FNDC3B: variants seen among roughly 807,000 people sequenced by gnomAD.
The protein encoded by FNDC3B is fibronectin type III domain-containing protein 3B.
FNDC3B carries 12 observed loss-of-function variants against 151.5 expected under a neutral mutation model. The ratio of observed to expected loss-of-function variants is 0.08; its 90% CI spans 0.05 to 0.13. FNDC3B has a LOEUF of 0.13. Among genes scored for constraint, FNDC3B ranks in the 10% least tolerant of loss-of-function variants. FNDC3B has a pLI of 1.00. For missense variants in FNDC3B, 1,214 were observed against 1,505.3 expected, an observed-to-expected ratio of 0.81 and a Z score of 3.20; for synonymous variants, 528 against 549.0, an observed-to-expected ratio of 0.96 and a Z score of 0.54.
In FNDC3B at chr3:172,195,106, A is replaced by T. The variant is rs532193277; in HGVS notation, c.188-31765A>T. ...TTAAATCATGACCTTTAGTTATTTT[A>T]AAAAAAGTTTGATCTTGAGATAAAA... On this transcript the variant is annotated intron_variant, in intron 3 of 25. Transcript: ENST00000415807. Among the ~76,000 whole-genome samples the T allele has an allele frequency of 1.3e-3, 194 of 152,306 alleles. 2 individuals carry two copies. The highest frequency in any genetic ancestry group is 4.0e-3 in the African/African-American group (168 of 41,556).
chr3:172,129,250 G>T (rs998119913), intron 2 of FNDC3B, among the ~76,000 whole-genome samples: 7 of 152,286 alleles, frequency 4.6e-5, no homozygotes, highest in African/African-American at 1.7e-4. Flanking sequence ...TGGAATTACA[G>T]GCATGAGCCT....
At chr3:172,170,850 C>T (rs1723245516) in intron 3 of FNDC3B, among the ~76,000 whole-genome samples, 1 of 152,146 alleles carries the variant, frequency 6.6e-6, no homozygotes, top group African/African-American at 2.4e-5. Context: ...TGAGTTGAAA[C>T]CAAGACAATA....
At chr3:172,339,774 G>C (rs1335634161) in intron 16 of FNDC3B, among the ~76,000 whole-genome samples, 1 of 152,138 alleles carries the variant, frequency 6.6e-6, no homozygotes, top group Non-Finnish European at 1.5e-5. Flanking sequence ...CTTTGTGACT[G>C]CATGGCTGAG....
chr3:172,351,908 G>A (rs996511807), intron 21 of FNDC3B, among the ~76,000 whole-genome samples: 2 of 152,202 alleles, frequency 1.3e-5, no homozygotes, highest in African/African-American at 4.8e-5. Flanking sequence ...TGTTGGACAT[G>A]CAAGTGGAGA....
chr3:172,051,699 G>C (rs1292959791), intron 1 of FNDC3B, among the ~76,000 whole-genome samples: 2 of 152,090 alleles, frequency 1.3e-5, no homozygotes, highest in Admixed American at 1.3e-4. Context: ...AGGCATTTTT[G>C]TGTTTCCATG....
chr3:172,286,293 GT>G (rs35493935), intron 7 of FNDC3B, among the ~76,000 whole-genome samples: 18 of 150,798 alleles, frequency 1.2e-4, no homozygotes, highest in African/African-American at 4.1e-4. Flanking sequence ...TCTTTTGGTA[GT>G]TTTTTTTTAA....
intron 21 of FNDC3B, among the ~76,000 whole-genome samples, chr3:172,348,808 C>G (rs897960350): frequency 9.9e-5 from 15 of 152,076 alleles, no homozygotes; most frequent in African/African-American, 3.6e-4. Flanking sequence ...TAAAATGAGT[C>G]AGATCTTATG....
intron 6 of FNDC3B, among the ~76,000 whole-genome samples, chr3:172,283,920 A>G (rs1199900405): frequency 6.6e-6 from 1 of 152,024 alleles, no homozygotes; most frequent in East Asian, 1.9e-4. Flanking sequence ...GTTTTCTTTT[A>G]AAAGGCTACA....
At chr3:172,355,759 C>T (rs1172370676) in intron 22 of FNDC3B, among the ~76,000 whole-genome samples, 1 of 152,186 alleles carries the variant, frequency 6.6e-6, no homozygotes, top group East Asian at 1.9e-4. Context: ...CCCATCCCAC[C>T]ATCATTTACA....
In FNDC3B at chr3:172,266,041, A is replaced by T. The variant is rs79229047; in HGVS notation, c.790+14500A>T. Among the ~76,000 whole-genome samples, 737 of 152,270 alleles carry T rather than the reference A, an allele frequency of 4.8e-3. 4 individuals carry two copies. The highest frequency in any genetic ancestry group is 0.017 in the African/African-American group (692 of 41,536). ...CTCAATCTTTTTTATCCCTCTGCTC[A>T]ATTTGAGGTAATACCATGTGGTGAC... On this transcript the variant is annotated intron_variant, in intron 6 of 25. Transcript: ENST00000415807.
intron 25 of FNDC3B, among the ~76,000 whole-genome samples, chr3:172,388,697 C>T (rs553713769): frequency 3.3e-5 from 5 of 152,112 alleles, no homozygotes; most frequent in African/African-American, 4.8e-5. Context: ...TGTAAGTGTC[C>T]GTGGCCATGT....
intron 2 of FNDC3B, among the ~76,000 whole-genome samples, chr3:172,121,419 GT>G (rs917582478): frequency 6.6e-6 from 1 of 151,886 alleles, no homozygotes; most frequent in Non-Finnish European, 1.5e-5. Context: ...GTTTTGTTTT[GT>G]TTTTTGGCTT....
At chr3:172,294,471 A>G (rs952186621) in intron 7 of FNDC3B, among the ~76,000 whole-genome samples, 1 of 152,160 alleles carries the variant, frequency 6.6e-6, no homozygotes, top group Non-Finnish European at 1.5e-5. Flanking sequence ...ACACTTTTAA[A>G]CAACCAGATC....
intron 1 of FNDC3B, among the ~76,000 whole-genome samples, chr3:172,073,353 C>T (rs1003742402): frequency 7.9e-5 from 12 of 152,196 alleles, no homozygotes; most frequent in South Asian, 4.2e-4. Context: ...TGTAACAGTT[C>T]GAATGTAGAG....
chr3:172,379,662 C>T (rs1271979630), intron 24 of FNDC3B, among the ~76,000 whole-genome samples: 1 of 152,202 alleles, frequency 6.6e-6, no homozygotes, highest in Non-Finnish European at 1.5e-5. Context: ...TTTGGTGCAG[C>T]TTTGCCTTTC....
intron 3 of FNDC3B, among the ~76,000 whole-genome samples, chr3:172,204,082 T>A (rs1725305654): frequency 6.6e-6 from 1 of 152,250 alleles, no homozygotes; most frequent in Non-Finnish European, 1.5e-5. Context: ...CAAACAGATC[T>A]GTGTTTGCCA....
intron 1 of FNDC3B, among the ~76,000 whole-genome samples, chr3:172,077,014 A>G (rs1304629926): frequency 6.6e-6 from 1 of 152,240 alleles, no homozygotes; most frequent in Non-Finnish European, 1.5e-5. Flanking sequence ...AGAAAACAAA[A>G]TCTGCATAAT....
chr3:172,386,032 A>T (rs959244483), intron 25 of FNDC3B, among the ~76,000 whole-genome samples: 1 of 152,208 alleles, frequency 6.6e-6, no homozygotes, highest in Non-Finnish European at 1.5e-5. Context: ...CAATCTATTA[A>T]CTTGAAGTAT....
At chr3:172,311,166 C>G (rs1036968931) in intron 11 of FNDC3B, among the ~76,000 whole-genome samples, 2 of 152,138 alleles carry the variant, frequency 1.3e-5, no homozygotes, top group Non-Finnish European at 2.9e-5. Flanking sequence ...TCTAGCCAGC[C>G]AATAATTTGT....
Sources: allele counts gnomAD v4.1 joint callset (sites outside exome capture counted in the v4.1 genomes callset), GRCh38; gene constraint gnomAD v4.1.1; transcripts MANE v1.5; gene names NCBI Gene and HGNC (gene_info 2026-07-23, HGNC 2026-07-21).